EYS: variants seen among roughly 807,000 people sequenced by gnomAD.
EYS encodes the protein EGF-like photoreceptor maintenance factor.
In EYS, 250 loss-of-function variants were observed where a neutral mutation model predicts 282.1. That is an observed-to-expected ratio of 0.89 (90% CI 0.80 to 0.98). The LOEUF (loss-of-function observed/expected upper bound fraction) is 0.98, where lower values mean the gene tolerates loss of function less well. EYS is among the 50% of genes least tolerant of loss of function. EYS has a pLI of 0.00. For missense variants in EYS, 4,016 were observed against 3,709.0 expected (o/e 1.08, Z -2.15); for synonymous variants, 1,355 against 1,282.9 (o/e 1.06, Z -1.20).
chr6:64,822,681 T>A lies in EYS; in HGVS notation c.3134A>T (p.Asp1045Val). Residue 1045 changes from aspartate (D) to valine (V), a missense_variant, in exon 20 of 43, where the codon GAT becomes GTT. By Grantham distance (152) the Asp-to-Val change is radical. Coordinates refer to ENST00000503581, the MANE Select transcript of EYS (RefSeq NM_001142800.2). The part of the protein sequence containing the change: ...FGTHCETNAN[D>V]CLSNPCLHGR... ...ATGTAGACAAGGATTTGAAAGGCAA[T>A]CATTGGCGTTTGTTTCACAGTGTGT... 1 of 1,544,670 alleles carries A rather than the reference T, an allele frequency of 6.5e-7. No homozygotes were observed. The highest frequency in any genetic ancestry group is 8.7e-7 in the Non-Finnish European group (1 of 1,144,548).
chr6:63,848,644 A>G (rs1463247085), intron 36 of EYS, among the ~76,000 whole-genome samples: 2 of 152,042 alleles, frequency 1.3e-5, no homozygotes, highest in African/African-American at 2.4e-5. Flanking sequence ...GGATGGTGCT[A>G]TCTGGCCCAG....
chr6:64,563,493 C>T (rs1196868627), intron 26 of EYS, among the ~76,000 whole-genome samples: 1 of 152,008 alleles, frequency 6.6e-6, no homozygotes, highest in Non-Finnish European at 1.5e-5. Context: ...GGGATTCTCA[C>T]AATCTTATTA....
chr6:64,908,177 C>T (rs1185956394), intron 16 of EYS, among the ~76,000 whole-genome samples: 3 of 152,140 alleles, frequency 2.0e-5, no homozygotes, highest in Admixed American at 1.3e-4. Context: ...TCTACTTGGT[C>T]TATTATGCTC....
At chr6:64,263,940 C>T (rs909231777) in intron 30 of EYS, among the ~76,000 whole-genome samples, 1 of 152,122 alleles carries the variant, frequency 6.6e-6, no homozygotes, top group Non-Finnish European at 1.5e-5. Flanking sequence ...CTGTCTTTGC[C>T]ATTAGCAAGT....
chr6:64,995,329 T>C (rs1170901790), intron 14 of EYS, among the ~76,000 whole-genome samples: 1 of 152,204 alleles, frequency 6.6e-6, no homozygotes, highest in Non-Finnish European at 1.5e-5. Flanking sequence ...TGTACCTGCT[T>C]TATCTTAGAC....
chr6:65,408,076 T>C (rs1408130690), intron 5 of EYS, among the ~76,000 whole-genome samples: 10 of 152,112 alleles, frequency 6.6e-5, no homozygotes, highest in Non-Finnish European at 1.5e-4. Context: ...ATTATATTAA[T>C]ATGGTATATT....
intron 26 of EYS, among the ~76,000 whole-genome samples, chr6:64,517,483 C>A (rs1446804562): frequency 6.6e-6 from 1 of 151,696 alleles, no homozygotes; most frequent in Admixed American, 6.6e-5. Flanking sequence ...CTTCAGTAAC[C>A]AAACTACAAG....
At chr6:65,370,652 C>T (rs1276670840) in intron 8 of EYS, among the ~76,000 whole-genome samples, 1 of 151,642 alleles carries the variant, frequency 6.6e-6, no homozygotes. Context: ...GCATCTTTTC[C>T]CATGTTCTAT....
chr6:63,796,323 C>T (rs773859965), intron 37 of EYS, among the ~76,000 whole-genome samples: 23 of 152,102 alleles, frequency 1.5e-4, no homozygotes, highest in Admixed American at 5.9e-4. Flanking sequence ...AGCTGTTCCT[C>T]GGATTGTTCT....
chr6:64,646,603 A>G (rs572271513), intron 22 of EYS, among the ~76,000 whole-genome samples: 33 of 152,144 alleles, frequency 2.2e-4, no homozygotes, highest in Non-Finnish European at 4.6e-4. Context: ...GGAGATCAAG[A>G]CCATCCTGGC....
chr6:65,026,430 A>C (rs1253373834), intron 13 of EYS, among the ~76,000 whole-genome samples: 1 of 152,218 alleles, frequency 6.6e-6, no homozygotes, highest in Middle Eastern at 3.2e-3. Flanking sequence ...GGACTCATGA[A>C]AAAAAGACCA....
chr6:64,827,200 T>C (rs572934613), intron 19 of EYS, among the ~76,000 whole-genome samples: 43 of 152,004 alleles, frequency 2.8e-4, no homozygotes, highest in African/African-American at 1.0e-3. Flanking sequence ...CTCATATCCA[T>C]GTTAGCTCCT....
At chr6:64,426,550 C>CT (rs1001519795) in intron 28 of EYS, among the ~76,000 whole-genome samples, 16 of 149,820 alleles carry the variant, frequency 1.1e-4, no homozygotes, top group African/African-American at 2.0e-4. Flanking sequence ...CTTTTTTTTT[C>CT]TTTTTTTTGG....
intron 22 of EYS, among the ~76,000 whole-genome samples, chr6:64,754,750 C>T: frequency 6.6e-6 from 1 of 152,076 alleles, no homozygotes; most frequent in Non-Finnish European, 1.5e-5. Context: ...TTCAGAATCC[C>T]TTTATGATTA....
intron 25 of EYS, 147 bp downstream of exon 25, chr6:64,592,970 G>A: frequency 1.9e-6 from 1 of 521,078 alleles, no homozygotes; most frequent in Non-Finnish European, 3.2e-6. Context: ...CTTAAAACAG[G>A]AGTCATAACC....
At chr6:64,705,646 C>A (rs558438530) in intron 22 of EYS, among the ~76,000 whole-genome samples, 160 of 151,588 alleles carry the variant, frequency 1.1e-3, no homozygotes, top group African/African-American at 3.8e-3. Context: ...ACTATGCAGC[C>A]ATAAAAAATG....
chr6:65,276,592 A>G (rs774814121), intron 12 of EYS, among the ~76,000 whole-genome samples: 1 of 152,158 alleles, frequency 6.6e-6, no homozygotes, highest in Non-Finnish European at 1.5e-5. Flanking sequence ...TATATCTGGA[A>G]TAAAGATCAT....
At chr6:64,081,599 A>G (rs998113309) in intron 32 of EYS, among the ~76,000 whole-genome samples, 1 of 152,172 alleles carries the variant, frequency 6.6e-6, no homozygotes, top group African/African-American at 2.4e-5. Context: ...TGCTATAGCC[A>G]TATGCTGTCA....
chr6:64,878,643 CTGTG>C (rs1009915623), intron 19 of EYS, among the ~76,000 whole-genome samples: 2 of 151,518 alleles, frequency 1.3e-5, no homozygotes, highest in African/African-American at 4.9e-5. Context: ...TAATTTTTCT[CTGTG>C]TGTGTTTGCG....
Sources: gnomAD v4.1 joint callset for allele counts (sites outside exome capture counted in the v4.1 genomes callset) on GRCh38, gnomAD v4.1.1 for gene constraint, MANE v1.5 for transcripts, NCBI Gene and HGNC (gene_info 2026-07-23, HGNC 2026-07-21) for gene names.